CERS6: variants seen among roughly 807,000 people sequenced by gnomAD.
CERS6 encodes LAG1 homolog, ceramide synthase 6.
Under a neutral mutation model 56.8 loss-of-function variants are expected in CERS6, and 26 were observed. The ratio of observed to expected loss-of-function variants is 0.46; its 90% CI spans 0.34 to 0.63. The LOEUF (loss-of-function observed/expected upper bound fraction) is 0.63. Ranked by LOEUF, CERS6 falls within the 30% of genes least tolerant of loss-of-function variation. The pLI, the probability that CERS6 is intolerant of heterozygous loss-of-function variation, is 0.01. For synonymous variants in CERS6, 164 were observed against 173.3 expected (o/e 0.95, Z 0.42); for missense variants, 415 against 467.5 (o/e 0.89, Z 1.04).
intron 9 of CERS6, among the ~76,000 whole-genome samples, chr2:168,766,721 T>A (rs1197429508): frequency 3.3e-5 from 5 of 152,070 alleles, no homozygotes; most frequent in Non-Finnish European, 2.9e-5. Flanking sequence ...GGGGAGAGGA[T>A]CAACACATTG....
At chr2:168,728,348 C>T (rs1400978871) in intron 8 of CERS6, among the ~76,000 whole-genome samples, 1 of 148,580 alleles carries the variant, frequency 6.7e-6, no homozygotes, top group Non-Finnish European at 1.5e-5. Context: ...GTCTTTAAAA[C>T]TGTTGTCCAC....
chr2:168,557,646 A>C (rs1695708822), intron 2 of CERS6, among the ~76,000 whole-genome samples: 1 of 152,200 alleles, frequency 6.6e-6, no homozygotes. Flanking sequence ...AATGTACTAA[A>C]GATTTGAATA....
intron 6 of CERS6, among the ~76,000 whole-genome samples, chr2:168,701,347 CTT>C (rs1387513894): frequency 6.6e-6 from 1 of 152,146 alleles, no homozygotes; most frequent in African/African-American, 2.4e-5. Context: ...AAAATATGCT[CTT>C]TGAATCCCTG....
chr2:168,658,391 C>CTGAAATA (rs1685546036), intron 4 of CERS6, among the ~76,000 whole-genome samples: 1 of 152,186 alleles, frequency 6.6e-6, no homozygotes, highest in Non-Finnish European at 1.5e-5. Context: ...GAGCACTTGT[C>CTGAAATA]TGAAATACCC....
chr2:168,537,189 G>A (rs1695279749), intron 1 of CERS6, among the ~76,000 whole-genome samples: 1 of 152,192 alleles, frequency 6.6e-6, no homozygotes, highest in Non-Finnish European at 1.5e-5. Flanking sequence ...AAAGAGCAAA[G>A]TGTAAAGCAA....
At chr2:168,709,879 T>C (rs1374556850) in intron 6 of CERS6, among the ~76,000 whole-genome samples, 1 of 152,162 alleles carries the variant, frequency 6.6e-6, no homozygotes, top group Non-Finnish European at 1.5e-5. Flanking sequence ...AGAAATGTGT[T>C]GGGTAAGGAG....
intron 3 of CERS6, among the ~76,000 whole-genome samples, chr2:168,614,765 C>A (rs542293553): frequency 3.9e-5 from 6 of 152,246 alleles, no homozygotes; most frequent in South Asian, 4.2e-4. Flanking sequence ...CTTGCCCCAA[C>A]CTGATGGTCC....
intron 1 of CERS6, among the ~76,000 whole-genome samples, chr2:168,516,581 A>G (rs1477525892): frequency 6.6e-6 from 1 of 152,218 alleles, no homozygotes; most frequent in Non-Finnish European, 1.5e-5. Flanking sequence ...TGTAGTCAGT[A>G]CCTGCCTTTT....
intron 3 of CERS6, among the ~76,000 whole-genome samples, chr2:168,630,298 G>A (rs1684684389): frequency 2.2e-5 from 1 of 46,132 alleles, no homozygotes; most frequent in Non-Finnish European, 4.4e-5. Flanking sequence ...TTTGTAATAA[G>A]TATACACACA....
At chr2:168,497,712 C>T (rs1694497613) in intron 1 of CERS6, among the ~76,000 whole-genome samples, 2 of 152,158 alleles carry the variant, frequency 1.3e-5, no homozygotes, top group African/African-American at 2.4e-5. Context: ...CACAGAGGGC[C>T]TTGGGAAGCC....
chr2:168,576,218 T>C (rs985802076), intron 3 of CERS6, among the ~76,000 whole-genome samples: 1 of 152,206 alleles, frequency 6.6e-6, no homozygotes, highest in African/African-American at 2.4e-5. Context: ...TCCCCTCATT[T>C]GTGTGCCCCT....
intron 8 of CERS6, among the ~76,000 whole-genome samples, chr2:168,752,573 C>T: frequency 6.6e-6 from 1 of 152,164 alleles, no homozygotes; most frequent in Non-Finnish European, 1.5e-5. Flanking sequence ...TTGCCTGGTT[C>T]CCTGTGGAAG....
intron 8 of CERS6, among the ~76,000 whole-genome samples, chr2:168,739,553 T>C (rs1683829959): frequency 6.6e-6 from 1 of 152,198 alleles, no homozygotes; most frequent in Non-Finnish European, 1.5e-5. Flanking sequence ...AGAAGATTCA[T>C]GTTCCCTATT....
intron 4 of CERS6, among the ~76,000 whole-genome samples, chr2:168,636,351 T>C (rs906418480): frequency 1.3e-5 from 2 of 152,198 alleles, no homozygotes; most frequent in East Asian, 3.8e-4. Flanking sequence ...TTAAGTAACT[T>C]TTTATTAGTA....
intron 4 of CERS6, among the ~76,000 whole-genome samples, chr2:168,635,081 T>C (rs892790534): frequency 1.3e-5 from 2 of 152,206 alleles, no homozygotes; most frequent in Non-Finnish European, 2.9e-5. Flanking sequence ...AAGCTCCTTA[T>C]GTTGTTGTGG....
At chr2:168,547,352 T>G (rs1695485121) in intron 1 of CERS6, among the ~76,000 whole-genome samples, 1 of 152,212 alleles carries the variant, frequency 6.6e-6, no homozygotes, top group South Asian at 2.1e-4. Flanking sequence ...CATTAGAACT[T>G]GAGGATTGGA....
chr2:168,678,520 T>C (rs1374799101), intron 4 of CERS6, among the ~76,000 whole-genome samples: 1 of 152,228 alleles, frequency 6.6e-6, no homozygotes, highest in Non-Finnish European at 1.5e-5. Flanking sequence ...TCATGTGTCC[T>C]CTACCTTCAT....
At chr2:168,533,376 A>G (rs1265242767) in intron 1 of CERS6, among the ~76,000 whole-genome samples, 2 of 152,208 alleles carry the variant, frequency 1.3e-5, no homozygotes, top group African/African-American at 4.8e-5. Context: ...ATAGACTGGA[A>G]TAGTTTGGAA....
At chr2:168,704,853 C>G (rs181053341) in intron 6 of CERS6, among the ~76,000 whole-genome samples, 2 of 152,178 alleles carry the variant, frequency 1.3e-5, no homozygotes, top group Non-Finnish European at 2.9e-5. Context: ...CTGCCTCGGC[C>G]TCCCAAAATG....
Sources: gnomAD v4.1 joint callset for allele counts (sites outside exome capture counted in the v4.1 genomes callset) on GRCh38, gnomAD v4.1.1 for gene constraint, MANE v1.5 for transcripts, NCBI Gene and HGNC (gene_info 2026-07-23, HGNC 2026-07-21) for gene names.